HYDIN: variants seen among roughly 807,000 people sequenced by gnomAD.
The protein encoded by HYDIN is axonemal central pair apparatus protein HYDIN.
Under a neutral mutation model 403.9 loss-of-function variants are expected in HYDIN, and 132 were observed. The observed-to-expected ratio is 0.33, with a 90% CI of 0.28 to 0.38. The LOEUF is 0.38. Ranked by LOEUF, HYDIN falls within the 10% of genes least tolerant of loss-of-function variation. The pLI is 1.00. For missense variants in HYDIN, 2,827 were observed against 5,009.5 expected (o/e 0.56, Z 13.15); for synonymous variants, 1,202 against 1,891.7 (o/e 0.64, Z 9.46).
chr16:71,152,322 C>T (rs955771907), intron 7 of HYDIN, among the ~76,000 whole-genome samples: 19 of 151,808 alleles, frequency 1.3e-4, no homozygotes, highest in African/African-American at 4.4e-4. Context: ...TCCCATCTGA[C>T]CTTTTTAAAT....
chr16:71,024,013 C>G (rs866261532), intron 21 of HYDIN, among the ~76,000 whole-genome samples: 1 of 152,210 alleles, frequency 6.6e-6, no homozygotes, highest in South Asian at 2.1e-4. Flanking sequence ...GTCTTCCCAG[C>G]AGGCTGTGAA....
chr16:71,213,228 A>C (rs1319205169), intron 1 of HYDIN, among the ~76,000 whole-genome samples: 1 of 152,142 alleles, frequency 6.6e-6, no homozygotes, highest in Admixed American at 6.5e-5. Flanking sequence ...GGAAAAATCT[A>C]AGAGGCAAGA....
At chr16:70,811,481 A>G (rs545704034) in intron 84 of HYDIN, 1 of 152,220 alleles carries the variant, frequency 6.6e-6, no homozygotes, top group East Asian at 1.9e-4. Flanking sequence ...TAAAAAGAGG[A>G]TATCGCTGAA....
intron 10 of HYDIN, among the ~76,000 whole-genome samples, chr16:71,101,790 A>G (rs2083463017): frequency 6.6e-6 from 1 of 152,294 alleles, no homozygotes; most frequent in South Asian, 2.1e-4. Context: ...CTGATTACCT[A>G]GTAAACCTGA....
intron 49 of HYDIN, 109 bp downstream of exon 49, chr16:70,908,143 G>T (rs891436886): frequency 2.7e-4 from 230 of 840,812 alleles, no homozygotes; most frequent in Non-Finnish European, 3.8e-4. Flanking sequence ...GAGGGGCTGG[G>T]GTGCTGCCCC....
chr16:71,062,208 C>G lies in HYDIN; in HGVS notation c.2337G>C (p.Thr779=). 6.7e-7 allele frequency: 1 copy of G among 1,501,954 alleles called. No individual in the cohort carries two copies. Among genetic ancestry groups the G allele is most frequent in the Middle Eastern group, 1.7e-4 (1 of 5,836 alleles). The allele number at this position is 1,501,954 out of a possible 1,614,324, so 93.0% of individuals were successfully genotyped here. ...ETQVTGEHRS[T]VYISIFGSQD... ...GGCTCCCAAAGATTGAGATGTAAAC[C>G]GTGGATCTGTGTTCTCCAGTGACCT... The change falls in exon 17 of 86, where the codon ACG becomes ACC. Residue 779 remains threonine, a synonymous_variant. Coordinates refer to ENST00000393567, the MANE Select transcript of HYDIN (RefSeq NM_001270974.2).
At chr16:71,184,287 AG>A (rs1164965370) in intron 3 of HYDIN, among the ~76,000 whole-genome samples, 1 of 152,158 alleles carries the variant, frequency 6.6e-6, no homozygotes, top group Non-Finnish European at 1.5e-5. Flanking sequence ...GTGCATTAAA[AG>A]TAAAGGATAT....
intron 29 of HYDIN, 141 bp downstream of exon 29, chr16:70,981,250 T>G (rs990022560): frequency 2.3e-6 from 3 of 1,316,796 alleles, no homozygotes; most frequent in Non-Finnish European, 3.0e-6. Flanking sequence ...GGTCACCAAT[T>G]TGGCAATTGC....
chr16:70,949,867 A>G (rs537842167), intron 41 of HYDIN, among the ~76,000 whole-genome samples: 1 of 152,416 alleles, frequency 6.6e-6, no homozygotes, highest in East Asian at 1.9e-4. Flanking sequence ...AGAATTCTAA[A>G]AAGCTTTATT....
chr16:70,894,425 T>G, intron 55 of HYDIN, 24 bp downstream of exon 55: 2 of 1,609,682 alleles, frequency 1.2e-6, no homozygotes, highest in Middle Eastern at 1.7e-4. Flanking sequence ...TTGATGGCCT[T>G]ACATCTGATG....
At chr16:70,980,939 A>G (rs555086424) in intron 29 of HYDIN, among the ~76,000 whole-genome samples, 3 of 152,110 alleles carry the variant, frequency 2.0e-5, no homozygotes, top group South Asian at 2.1e-4. Context: ...TTTAGCCTTC[A>G]CCCTGTGTAA....
At chr16:70,881,457 A>G (rs1459095352) in intron 60 of HYDIN, among the ~76,000 whole-genome samples, 1 of 144,476 alleles carries the variant, frequency 6.9e-6, no homozygotes, top group Non-Finnish European at 1.5e-5. Context: ...AAATACAAAA[A>G]ATTAGCCGGG....
intron 64 of HYDIN, among the ~76,000 whole-genome samples, chr16:70,872,767 C>A (rs1284935023): frequency 1.4e-5 from 2 of 141,252 alleles, no homozygotes; most frequent in East Asian, 4.4e-4. Flanking sequence ...CACCTGCTCA[C>A]CCACTCATCC....
chr16:70,994,718 AATGGCAG>A, intron 23 of HYDIN, among the ~76,000 whole-genome samples: 1 of 149,138 alleles, frequency 6.7e-6, no homozygotes. Context: ...CGTGGGTAGG[AATGGCAG>A]CATGACAGCT....
chr16:71,186,403 T>C (rs1044312955), intron 2 of HYDIN, among the ~76,000 whole-genome samples: 1 of 152,170 alleles, frequency 6.6e-6, no homozygotes, highest in Non-Finnish European at 1.5e-5. Flanking sequence ...CGGTAGGTAG[T>C]AAATAATTAG....
At chr16:70,859,545 T>A (rs1282342359) in intron 71 of HYDIN, among the ~76,000 whole-genome samples, 1 of 152,102 alleles carries the variant, frequency 6.6e-6, no homozygotes, top group Non-Finnish European at 1.5e-5. Context: ...TCTTCAAGAT[T>A]CTCTGCAACT....
intron 46 of HYDIN, 109 bp downstream of exon 46, chr16:70,920,482 T>C: frequency 1.4e-6 from 1 of 694,908 alleles, no homozygotes; most frequent in East Asian, 2.7e-5. Flanking sequence ...TAGAGATGCA[T>C]GCAGTTGAGG....
chr16:70,835,212 A>G (rs1399942714), intron 78 of HYDIN, among the ~76,000 whole-genome samples: 1 of 151,642 alleles, frequency 6.6e-6, no homozygotes, highest in Non-Finnish European at 1.5e-5. Flanking sequence ...TGGCCAGGCT[A>G]GTCTTGAACT....
chr16:71,184,129 C>T (rs954816013), intron 3 of HYDIN, among the ~76,000 whole-genome samples: 1 of 152,048 alleles, frequency 6.6e-6, no homozygotes, highest in Non-Finnish European at 1.5e-5. Flanking sequence ...GTAGCAGTAA[C>T]AGCAGACAAG....
Sources: gnomAD v4.1 joint callset for allele counts (sites outside exome capture counted in the v4.1 genomes callset) on GRCh38, gnomAD v4.1.1 for gene constraint, MANE v1.5 for transcripts, NCBI Gene and HGNC (gene_info 2026-07-23, HGNC 2026-07-21) for gene names.